The following DAP3 variants were observed in gnomAD, a reference collection of about 807,000 sequenced individuals.
DAP3 encodes the protein death associated protein 3.
In DAP3, 28 loss-of-function variants were observed where a neutral mutation model predicts 51.9. The observed-to-expected ratio is 0.54, with a 90% confidence interval of 0.40 to 0.74. The LOEUF (loss-of-function observed/expected upper bound fraction) is 0.74, where lower values mean the gene tolerates loss of function less well. Ranked by LOEUF, DAP3 falls within the 30% of genes least tolerant of loss-of-function variation. The pLI is 0.00. For synonymous variants in DAP3, 170 were observed against 170.3 expected, an observed-to-expected ratio of 1.00 and a Z score of 0.01; for missense variants, 458 against 483.5, an observed-to-expected ratio of 0.95 and a Z score of 0.49.
intron 1 of DAP3, among the ~76,000 whole-genome samples, chr1:155,693,844 G>C (rs12073202): frequency 0.026 from 3,692 of 140,856 alleles, 1,065 homozygotes; most frequent in African/African-American, 0.12. Context: ...GCCTGTAATC[G>C]CAGCTACTTG....
chr1:155,726,044 T>G (rs761768283), intron 6 of DAP3, 25 bp downstream of exon 6: 5 of 1,593,818 alleles, frequency 3.1e-6, no homozygotes, highest in Non-Finnish European at 4.3e-6. Context: ...TTGTTTCTTC[T>G]GTCTGTTAGG....
chr1:155,734,877 T>C (rs1659597834), intron 11 of DAP3, among the ~76,000 whole-genome samples: 1 of 152,164 alleles, frequency 6.6e-6, no homozygotes, highest in Non-Finnish European at 1.5e-5. Flanking sequence ...TATCTGTAAC[T>C]CTAATCTAAA....
chr1:155,735,094 C>T (rs113736892), intron 11 of DAP3, among the ~76,000 whole-genome samples: 212 of 142,098 alleles, frequency 1.5e-3, no homozygotes, highest in African/African-American at 5.4e-3. Flanking sequence ...GAAACCCCGT[C>T]TCTACCAAAA....
At chr1:155,725,330 C>G (rs1658449736) in intron 4 of DAP3, 52 bp from the exon 5 acceptor site, 1 of 1,516,096 alleles carries the variant, frequency 6.6e-7, no homozygotes, top group South Asian at 1.1e-5. Flanking sequence ...TACCACCCCC[C>G]ACCCACTCCT....
chr1:155,688,676 C>T, upstream of DAP3: 1 of 1,532,194 alleles, frequency 6.5e-7, no homozygotes, highest in Non-Finnish European at 8.7e-7. Context: ...GGCGCGAGCC[C>T]AAGCCTTCTC....
upstream of DAP3, chr1:155,688,222 G>C (rs554355678): frequency 3.1e-6 from 5 of 1,613,428 alleles, no homozygotes; most frequent in Non-Finnish European, 8.5e-7. Context: ...TGCGAGAGAG[G>C]AGAAGGGAAA....
chr1:155,736,579 G>A (rs1475244559), intron 11 of DAP3: 1 of 267,562 alleles, frequency 3.7e-6, no homozygotes, highest in East Asian at 1.2e-4. Flanking sequence ...ACCACTCCTG[G>A]CTAATTTTTG....
At chr1:155,698,953 T>C (rs948956404) in intron 1 of DAP3, among the ~76,000 whole-genome samples, 2 of 152,170 alleles carry the variant, frequency 1.3e-5, no homozygotes, top group Non-Finnish European at 2.9e-5. Flanking sequence ...CTGGATTCTT[T>C]CGGGCCTCAT....
At chr1:155,689,499 C>T (rs674003) in intron 1 of DAP3, 31 of 453,734 alleles carry the variant, frequency 6.8e-5, no homozygotes, top group East Asian at 6.9e-5. Context: ...CCATGTGCTT[C>T]TCATTCAGTT....
intron 10 of DAP3, 114 bp downstream of exon 10, chr1:155,731,529 T>C (rs1204720304): frequency 1.0e-5 from 10 of 995,562 alleles, no homozygotes; most frequent in Non-Finnish European, 1.2e-5. Flanking sequence ...GACAGTAAGT[T>C]ATTATGTCTT....
intron 3 of DAP3, 116 bp downstream of exon 3, chr1:155,717,244 A>G: frequency 1.3e-6 from 2 of 1,482,672 alleles, no homozygotes; most frequent in Non-Finnish European, 1.8e-6. Context: ...ATTTACTCAG[A>G]TAGTGCACCT....
chr1:155,688,838 G>A (rs1558324896), upstream of DAP3: 4 of 1,586,280 alleles, frequency 2.5e-6, no homozygotes, highest in Middle Eastern at 1.7e-4. Context: ...GGCGGCTGCA[G>A]GGGCAGGAGA....
chr1:155,693,364 TC>T (rs1321233507), intron 1 of DAP3, among the ~76,000 whole-genome samples: 1 of 141,942 alleles, frequency 7.0e-6, no homozygotes, highest in Non-Finnish European at 1.5e-5. Flanking sequence ...GTAATATTTT[TC>T]TTCTCAAACC....
rs1660013222 is a variant in DAP3 at position 155,738,276 on chromosome 1, C to T, written c.*34C>T. The T allele has an allele frequency of 6.2e-7, 1 of 1,611,008 alleles. No individual in the cohort carries two copies. On this transcript the variant is annotated 3_prime_UTR_variant, in exon 13 of 13. Transcript: ENST00000368336. ...CACAGCATGTGAGGAAGACAGTGGA[C>T]ATCTGCTTTATGCTGGACCCAGTAA...
intron 7 of DAP3, among the ~76,000 whole-genome samples, chr1:155,728,377 C>T (rs1259732302): frequency 6.6e-6 from 1 of 152,084 alleles, no homozygotes; most frequent in African/African-American, 2.4e-5. Flanking sequence ...GCCTGGCCAA[C>T]ATGGTGAAAT....
chr1:155,725,470 C>T lies in DAP3; in HGVS notation c.359C>T (p.Pro120Leu), dbSNP rs548531604. ...CTGAAAAACACCAGTTTTGCTTATC[C>T]AGCTATACGATATCTTCTGTGTATC... ...HYLKNTSFAY[P>L]AIRYLLYGEK... Residue 120 changes from proline to leucine, a missense_variant, in exon 5 of 13, where the codon CCA (proline) becomes CTA (leucine). Coordinates refer to ENST00000368336, the MANE Select transcript of DAP3 (RefSeq NM_004632.4). 3.1e-6 allele frequency: 5 copies of T among 1,614,064 alleles called. No individual in the cohort carries two copies. The African/African-American group carries it at 5.3e-5, about 17-fold the overall frequency.
intron 9 of DAP3, among the ~76,000 whole-genome samples, chr1:155,730,566 A>G (rs1409867092): frequency 1.3e-5 from 2 of 152,146 alleles, no homozygotes; most frequent in African/African-American, 4.8e-5. Context: ...CAATGAGTGG[A>G]GATCGTGCCA....
At chr1:155,723,912 G>A (rs1223475120) in intron 4 of DAP3, among the ~76,000 whole-genome samples, 1 of 151,962 alleles carries the variant, frequency 6.6e-6, no homozygotes, top group Non-Finnish European at 1.5e-5. Context: ...GGTGGCACAC[G>A]CCTGTAGTCA....
chr1:155,698,689 C>A (rs1399402192), intron 1 of DAP3, among the ~76,000 whole-genome samples: 1 of 152,176 alleles, frequency 6.6e-6, no homozygotes, highest in East Asian at 1.9e-4. Context: ...GTTCTCTGTT[C>A]CGGGAACCAA....
Sources: gnomAD v4.1 joint callset for allele counts (sites outside exome capture counted in the v4.1 genomes callset) on GRCh38, gnomAD v4.1.1 for gene constraint, MANE v1.5 for transcripts, NCBI Gene and HGNC (gene_info 2026-07-23, HGNC 2026-07-21) for gene names.